The following MFSD11 variants were observed in gnomAD, a reference collection of about 807,000 sequenced individuals.
MFSD11 encodes UNC93-like protein MFSD11.
In MFSD11, 36 loss-of-function variants were observed where a neutral mutation model predicts 53.5. The ratio of observed to expected loss-of-function variants is 0.67; its 90% CI spans 0.52 to 0.89. The LOEUF (loss-of-function observed/expected upper bound fraction) is 0.89. Among genes scored for constraint, MFSD11 ranks in the 40% least tolerant of loss-of-function variants. The pLI is 0.00. For missense variants in MFSD11, 530 were observed against 543.9 expected (o/e 0.97, Z 0.25); for synonymous variants, 186 against 184.9 (o/e 1.01, Z -0.05).
chr17:76,792,243 T>C, the MFSD11 span, among the ~76,000 whole-genome samples: 1 of 150,550 alleles, frequency 6.6e-6, no homozygotes, highest in African/African-American at 2.5e-5. Context: ...CTCAGCCTCT[T>C]GAGTAGCTGG....
At chr17:76,777,514 C>T (rs1392263657) in intron 12 of MFSD11, among the ~76,000 whole-genome samples, 1 of 152,210 alleles carries the variant, frequency 6.6e-6, no homozygotes, top group African/African-American at 2.4e-5. Flanking sequence ...GGATTATAAA[C>T]ATGAGCCACC....
intron 8 of MFSD11, among the ~76,000 whole-genome samples, chr17:76,761,332 A>G (rs1364598954): frequency 6.6e-6 from 1 of 152,192 alleles, no homozygotes; most frequent in African/African-American, 2.4e-5. Flanking sequence ...CACTAGTAAG[A>G]TTATCCTCAG....
the MFSD11 span, among the ~76,000 whole-genome samples, chr17:76,799,954 C>CTTTTTTTTTTTTTTTTTTTTTTTTTTTT: frequency 4.6e-5 from 4 of 87,300 alleles, no homozygotes; most frequent in African/African-American, 1.7e-4. Flanking sequence ...TTTTCTTTTT[C>CTTTTTTTTTTTTTTTTTTTTTTTTTTTT]CTTTTTTTTT....
chr17:76,737,253 C>A, upstream of MFSD11: 1 of 1,440,860 alleles, frequency 6.9e-7, no homozygotes, highest in Non-Finnish European at 9.2e-7. Context: ...AGTTGCCTTC[C>A]GCGTGGGGAC....
chr17:76,799,702 C>T, the MFSD11 span, among the ~76,000 whole-genome samples: 6 of 152,042 alleles, frequency 3.9e-5, no homozygotes, highest in Admixed American at 3.9e-4. Context: ...CGCAGAACCA[C>T]ACCTCTGTGT....
chr17:76,794,282 G>A, the MFSD11 span, among the ~76,000 whole-genome samples: 60 of 151,094 alleles, frequency 4.0e-4, 1 homozygote, highest in East Asian at 8.9e-3. Context: ...TCAGGAGTTC[G>A]AGACCAGCCT....
chr17:76,765,822 G>C (rs2080797584), intron 8 of MFSD11, among the ~76,000 whole-genome samples: 1 of 151,742 alleles, frequency 6.6e-6, no homozygotes, highest in African/African-American at 2.4e-5. Flanking sequence ...TTATTTTTTA[G>C]ATCATTTTAT....
intron 10 of MFSD11, among the ~76,000 whole-genome samples, chr17:76,773,652 A>G (rs916908540): frequency 6.6e-6 from 1 of 151,918 alleles, no homozygotes; most frequent in Non-Finnish European, 1.5e-5. Context: ...CTCAGTTGCC[A>G]GGCGGAGTGC....
intron 7 of MFSD11, among the ~76,000 whole-genome samples, chr17:76,749,032 G>A (rs1343887341): frequency 4.6e-5 from 7 of 152,196 alleles, no homozygotes; most frequent in Admixed American, 3.3e-4. Flanking sequence ...GTGACAGAGA[G>A]AAAAGAAACA....
In MFSD11 at chr17:76,767,463, A is replaced by G; in HGVS notation, c.748+12A>G. ...AACTGCTTATACAGGTAATGGAATT[A>G]CTGTTCTTATTTTCTCTTGCTGCAT... On this transcript the variant is annotated intron_variant, in intron 9 of 12. Transcript: ENST00000685175. The G allele has an allele frequency of 2.0e-6, 3 of 1,511,726 alleles. No individual in the cohort carries two copies. Among genetic ancestry groups the G allele is most frequent in the Non-Finnish European group, 2.7e-6 (3 of 1,092,764 alleles). 93.6% of individuals were successfully genotyped at this position (1,511,726 alleles called of 1,614,324 possible).
chr17:76,754,698 AAG>A (rs1555668480), intron 8 of MFSD11, among the ~76,000 whole-genome samples: 4 of 150,720 alleles, frequency 2.7e-5, no homozygotes, highest in African/African-American at 9.8e-5. Flanking sequence ...AAAAAAAAAA[AAG>A]AGCAGATTGC....
chr17:76,737,814 T>C (rs2143975186), upstream of MFSD11: 4 of 161,162 alleles, frequency 2.5e-5, no homozygotes, highest in Middle Eastern at 6.3e-3. Context: ...CTGACTGCTC[T>C]TCGCCGGAGT....
chr17:76,765,950 C>T lies in MFSD11; in HGVS notation c.683-1436C>T, dbSNP rs569739385. Among the ~76,000 whole-genome samples the T allele has an allele frequency of 2.0e-5, 3 of 151,608 alleles. No individual in the cohort carries two copies. The South Asian group carries it at 6.3e-4, about 32-fold the overall frequency. ...GAGCACATTTGTTATAATGAGCCTA[C>T]ACTGACATGTCGTTATCACCTAAAG... On this transcript the variant is annotated intron_variant, in intron 8 of 12. Transcript: ENST00000685175.
At chr17:76,781,902 G>A (rs1401037597), downstream of MFSD11, among the ~76,000 whole-genome samples, 1 of 151,716 alleles carries the variant, frequency 6.6e-6, no homozygotes, top group Non-Finnish European at 1.5e-5. Flanking sequence ...GCTCACTGCA[G>A]CTTTGACGTC....
intron 10 of MFSD11, among the ~76,000 whole-genome samples, chr17:76,770,872 C>T (rs1221145623): frequency 1.3e-5 from 2 of 152,224 alleles, no homozygotes. Flanking sequence ...TCCTCCAACC[C>T]TGTTTAGGGG....
chr17:76,796,810 C>A, the MFSD11 span, among the ~76,000 whole-genome samples: 1 of 20,898 alleles, frequency 4.8e-5, no homozygotes, highest in Non-Finnish European at 1.3e-4. Context: ...ACTAAAAATA[C>A]CAAAAAAAAA....
the MFSD11 span, among the ~76,000 whole-genome samples, chr17:76,800,010 C>T: frequency 2.9e-5 from 4 of 139,948 alleles, no homozygotes; most frequent in African/African-American, 1.1e-4. Context: ...GGCTGAAGAA[C>T]TGTGGTGTGA....
chr17:76,791,096 A>G, the MFSD11 span, among the ~76,000 whole-genome samples: 2 of 148,726 alleles, frequency 1.3e-5, no homozygotes, highest in African/African-American at 5.0e-5. Flanking sequence ...TTGTGTGCAA[A>G]TAGTGTGAAT....
At chr17:76,770,899 G>A (rs1446877212) in intron 10 of MFSD11, among the ~76,000 whole-genome samples, 1 of 152,222 alleles carries the variant, frequency 6.6e-6, no homozygotes, top group East Asian at 1.9e-4. Flanking sequence ...TGGAGATCCT[G>A]TTACATAGGC....
Sources: gnomAD v4.1 joint callset for allele counts (sites outside exome capture counted in the v4.1 genomes callset) on GRCh38, gnomAD v4.1.1 for gene constraint, MANE v1.5 for transcripts, NCBI Gene and HGNC (gene_info 2026-07-23, HGNC 2026-07-21) for gene names.